The following RAD51C variants were observed in gnomAD, a reference collection of about 807,000 sequenced individuals.
The protein encoded by RAD51C is RAD51 paralog C.
A neutral mutation model predicts 45.0 loss-of-function variants in RAD51C; 42 were observed. That is an observed-to-expected ratio of 0.93 (90% CI 0.73 to 1.21). The LOEUF is 1.21. Ranked by LOEUF, RAD51C falls within the 50% of genes most tolerant of loss-of-function variation. RAD51C has a pLI of 0.00. For synonymous variants in RAD51C, 172 were observed against 159.8 expected, an observed-to-expected ratio of 1.08 and a Z score of -0.58; for missense variants, 474 against 452.2, an observed-to-expected ratio of 1.05 and a Z score of -0.44.
intron 7 of RAD51C, among the ~76,000 whole-genome samples, chr17:58,724,943 TC>T (rs1313217727): frequency 5.3e-5 from 8 of 152,204 alleles, no homozygotes; most frequent in Non-Finnish European, 1.0e-4. Flanking sequence ...TATTTTTTAA[TC>T]TATATTTCTT....
chr17:58,726,852 G>A (rs970095258), intron 7 of RAD51C, among the ~76,000 whole-genome samples: 15 of 151,734 alleles, frequency 9.9e-5, no homozygotes, highest in African/African-American at 3.1e-4. Context: ...ACGGAGTCTC[G>A]CTCTGTCGCC....
chr17:58,722,918 A>C (rs577111116), intron 6 of RAD51C, among the ~76,000 whole-genome samples: 1 of 152,308 alleles, frequency 6.6e-6, no homozygotes, highest in East Asian at 1.9e-4. Flanking sequence ...ATGGATCATC[A>C]GAATGCAACA....
rs1064793934 is a variant in RAD51C, at chr17:58,695,054, T to G, written c.269T>G (p.Leu90Arg). ...ESHKKCTALE[L>R]LEQEHTQGFI... is the part of the protein sequence containing the mutation. ...CACAAGAAGTGTACAGCACTGGAAC[T>G]TCTTGAGCAGGAGCATACCCAGGGC... is the stretch of plus-strand genomic sequence containing the variant. Residue 90 changes from leucine (L) to arginine (R), a missense_variant, in exon 2 of 9, where the codon CTT (leucine) becomes CGT (arginine). By Grantham distance (102) the Leu-to-Arg change is moderately radical. Transcript: ENST00000337432. The G allele has an allele frequency of 6.2e-7, 1 of 1,614,150 alleles. No homozygotes were observed. Among genetic ancestry groups the G allele is most frequent in the Admixed American group, 1.7e-5 (1 of 60,016 alleles).
At chr17:58,704,231 C>T (rs1463732119) in intron 4 of RAD51C, among the ~76,000 whole-genome samples, 2 of 151,742 alleles carry the variant, frequency 1.3e-5, no homozygotes, top group Non-Finnish European at 2.9e-5. Flanking sequence ...TTCCTCATTC[C>T]CCACCTTTGA....
intron 7 of RAD51C, among the ~76,000 whole-genome samples, chr17:58,726,647 T>C (rs2049162016): frequency 6.6e-6 from 1 of 151,072 alleles, no homozygotes; most frequent in Non-Finnish European, 1.5e-5. Flanking sequence ...TATATACGTA[T>C]ACGTATAGAT....
intron 3 of RAD51C, chr17:58,699,876 A>G (rs1367623241): frequency 1.3e-5 from 2 of 152,028 alleles, no homozygotes; most frequent in South Asian, 4.1e-4. Context: ...TTGAGACAGA[A>G]TCTGGCTCTA....
chr17:58,707,941 A>G (rs2048427955), intron 4 of RAD51C, among the ~76,000 whole-genome samples: 1 of 152,182 alleles, frequency 6.6e-6, no homozygotes, highest in South Asian at 2.1e-4. Flanking sequence ...CTTCAAGGAC[A>G]CTAATCCTCT....
At chr17:58,714,754 G>A (rs939500217) in intron 5 of RAD51C, among the ~76,000 whole-genome samples, 2 of 152,208 alleles carry the variant, frequency 1.3e-5, no homozygotes, top group South Asian at 2.1e-4. Context: ...ACCACGCCCA[G>A]CTAGGTACCA....
chr17:58,694,034 TTTCTC>T (rs1310274506), intron 1 of RAD51C: 1 of 152,216 alleles, frequency 6.6e-6, no homozygotes, highest in East Asian at 1.9e-4. Flanking sequence ...GCCATTTTCT[TTTCTC>T]AGGCCACACT....
In RAD51C at chr17:58,734,392, A is replaced by G; in HGVS notation, c.*170A>G. On this transcript the variant is annotated 3_prime_UTR_variant, in exon 9 of 9. Coordinates refer to ENST00000337432, the MANE Select transcript of RAD51C (RefSeq NM_058216.3). ...AATATGATTCTGTGAAAGTTTTTCTAAAGCAGTATTCTGCAATTATATTTT... is the reference window on the plus strand; with the variant it reads ...AATATGATTCTGTGAAAGTTTTTCTGAAGCAGTATTCTGCAATTATATTTT... The G allele has an allele frequency of 8.6e-7, 1 of 1,167,724 alleles. No individual in the cohort carries two copies. The highest frequency in any genetic ancestry group is 1.6e-5 in the South Asian group (1 of 63,048). 72.3% of individuals were successfully genotyped at this position (1,167,724 alleles called of 1,614,324 possible).
At chr17:58,720,415 C>CA (rs1005727682) in intron 5 of RAD51C, among the ~76,000 whole-genome samples, 53 of 110,454 alleles carry the variant, frequency 4.8e-4, no homozygotes, top group South Asian at 2.0e-3. Flanking sequence ...GACTCTGTCT[C>CA]AAAAAAAAAA....
At chr17:58,721,840 A>G (rs1375001547) in intron 6 of RAD51C, among the ~76,000 whole-genome samples, 2 of 152,164 alleles carry the variant, frequency 1.3e-5, no homozygotes, top group Non-Finnish European at 2.9e-5. Flanking sequence ...AATGTAGTAA[A>G]GGTTACAATA....
At chr17:58,734,015 C>T in intron 8 of RAD51C, 103 bp from the exon 9 acceptor site, 1 of 1,514,602 alleles carries the variant, frequency 6.6e-7, no homozygotes, top group Non-Finnish European at 8.9e-7. Flanking sequence ...TGCGCCTGGC[C>T]CTAGAATAAA....
chr17:58,729,489 A>G (rs1319661773), intron 7 of RAD51C, among the ~76,000 whole-genome samples: 1 of 151,808 alleles, frequency 6.6e-6, no homozygotes, highest in Non-Finnish European at 1.5e-5. Flanking sequence ...GGCTGGGATT[A>G]CAGGTGTGAG....
intron 6 of RAD51C, 137 bp downstream of exon 6, chr17:58,720,949 C>G (rs892136621): frequency 5.5e-6 from 4 of 725,752 alleles, no homozygotes; most frequent in Non-Finnish European, 9.4e-6. Flanking sequence ...TAGCACTAAG[C>G]ACAGTACCGT....
intron 5 of RAD51C, among the ~76,000 whole-genome samples, chr17:58,713,004 T>C (rs1342242651): frequency 6.6e-6 from 1 of 151,794 alleles, no homozygotes; most frequent in African/African-American, 2.4e-5. Context: ...CATGCACCTA[T>C]AGTTCTAGCT....
chr17:58,715,774 C>T (rs1423890301), intron 5 of RAD51C, among the ~76,000 whole-genome samples: 3 of 152,144 alleles, frequency 2.0e-5, no homozygotes, highest in African/African-American at 4.8e-5. Flanking sequence ...TTTTAAAGCT[C>T]TGAAGTTCAT....
intron 4 of RAD51C, among the ~76,000 whole-genome samples, chr17:58,708,777 C>T (rs2048456374): frequency 6.6e-6 from 1 of 151,744 alleles, no homozygotes; most frequent in African/African-American, 2.4e-5. Context: ...ACCACGTTGG[C>T]CAGGCTGGTC....
chr17:58,713,023 G>T (rs904695254), intron 5 of RAD51C, among the ~76,000 whole-genome samples: 1 of 151,940 alleles, frequency 6.6e-6, no homozygotes, highest in African/African-American at 2.4e-5. Context: ...CTACTTAAGC[G>T]GCTGAGGTGG....
Sources: gnomAD v4.1 joint callset for allele counts (sites outside exome capture counted in the v4.1 genomes callset) on GRCh38, gnomAD v4.1.1 for gene constraint, MANE v1.5 for transcripts, NCBI Gene and HGNC (gene_info 2026-07-23, HGNC 2026-07-21) for gene names.